BCAS1: variants seen among roughly 807,000 people sequenced by gnomAD.
BCAS1 encodes breast carcinoma-amplified sequence 1.
BCAS1 carries 46 observed loss-of-function variants against 65.4 expected under a neutral mutation model. The observed-to-expected ratio is 0.70, with a 90% CI of 0.55 to 0.90. The LOEUF is 0.90. Among genes scored for constraint, BCAS1 ranks in the 40% least tolerant of loss-of-function variants. BCAS1 has a pLI of 0.00. For missense variants in BCAS1, 793 were observed against 771.2 expected, an observed-to-expected ratio of 1.03 and a Z score of -0.33; for synonymous variants, 298 against 293.5, an observed-to-expected ratio of 1.02 and a Z score of -0.16.
rs1391284796 is a variant in BCAS1 at position 54,041,908 on chromosome 20, C to CAAAAAAAAAAAAAAAAAAAAAA, written c.143-12937_143-12936insTTTTTTTTTTTTTTTTTTTTTT. Among the ~76,000 whole-genome samples the CAAAAAAAAAAAAAAAAAAAAAA allele has an allele frequency of 2.6e-3, 173 of 67,306 alleles. 36 individuals are homozygous for CAAAAAAAAAAAAAAAAAAAAAA. Among genetic ancestry groups the CAAAAAAAAAAAAAAAAAAAAAA allele is most frequent in the African/African-American group, 4.7e-3 (87 of 18,620 alleles). The allele number at this position is 67,306 out of a possible 152,430, so 44.2% of individuals were successfully genotyped here. A position where few individuals can be genotyped will look rare whatever the true frequency, so the allele number is the denominator to read the frequency against. ...AGTTCAGAGTGAGACTCTGTCTCCC[C>CAAAAAAAAAAAAAAAAAAAAAA]CAAAAAAAAAAAAAAAAAAAAAAGA... On this transcript the variant is annotated intron_variant, in intron 3 of 12. Transcript: ENST00000688948.
At chr20:53,965,452 G>T (rs1006940779) in intron 10 of BCAS1, among the ~76,000 whole-genome samples, 1 of 152,130 alleles carries the variant, frequency 6.6e-6, no homozygotes, top group African/African-American at 2.4e-5. Flanking sequence ...CCTTTTACAT[G>T]CATTTTTGTT....
At chr20:54,016,095 A>C (rs78202227) in intron 4 of BCAS1, among the ~76,000 whole-genome samples, 1 of 152,294 alleles carries the variant, frequency 6.6e-6, no homozygotes, top group East Asian at 1.9e-4. Context: ...TCTGCATGCT[A>C]TTTTGAAATC....
chr20:53,998,036 C>T (rs556817137), intron 4 of BCAS1, among the ~76,000 whole-genome samples: 6 of 152,268 alleles, frequency 3.9e-5, no homozygotes, highest in South Asian at 2.1e-4. Flanking sequence ...TCCTCAAAAG[C>T]GATTTCTAAC....
intron 4 of BCAS1, among the ~76,000 whole-genome samples, chr20:54,010,292 C>A (rs2091291443): frequency 6.6e-6 from 1 of 151,944 alleles, no homozygotes; most frequent in Non-Finnish European, 1.5e-5. Flanking sequence ...ATAAAACTGT[C>A]CCCAGAGAAG....
At chr20:54,045,883 G>C (rs1161436496) in intron 3 of BCAS1, among the ~76,000 whole-genome samples, 5 of 152,120 alleles carry the variant, frequency 3.3e-5, no homozygotes, top group African/African-American at 9.6e-5. Flanking sequence ...AAATTTTATT[G>C]TGTCTCAGAT....
chr20:54,029,410 C>T (rs62215571), intron 3 of BCAS1, among the ~76,000 whole-genome samples: 14,621 of 152,212 alleles, frequency 0.096, 885 homozygotes, highest in Admixed American at 0.13. Flanking sequence ...TAGGGAGGCT[C>T]ATCCCGTGCC....
At chr20:54,024,032 A>C (rs945737622) in intron 4 of BCAS1, among the ~76,000 whole-genome samples, 1 of 152,242 alleles carries the variant, frequency 6.6e-6, no homozygotes, top group African/African-American at 2.4e-5. Context: ...TAAGTACTTT[A>C]TATGGCCTAT....
intron 3 of BCAS1, among the ~76,000 whole-genome samples, chr20:54,033,623 C>G (rs1191629245): frequency 6.6e-6 from 1 of 150,948 alleles, no homozygotes; most frequent in Non-Finnish European, 1.5e-5. Context: ...CCTGAACAGA[C>G]CAATAATGAG....
At position 54,058,146 on chromosome 20, in the gene BCAS1, C is replaced by G. The variant is rs375184061; in HGVS notation, c.81G>C (p.Ala27=). The change falls in exon 3 of 13, where the codon GCG becomes GCC. Residue 27 remains alanine (A), a synonymous_variant. Transcript: ENST00000688948. ...EPEAETYQDN[A]SALNGVPVVV... ...CCACTGGAACCCCGTTCAGAGCAGA[C>G]GCGTTGTCCTGAAACAGAGCACGTG... is the stretch of plus-strand genomic sequence containing the variant. 6.8e-6 allele frequency: 11 copies of G among 1,613,856 alleles called. No homozygotes were observed. The highest frequency in any genetic ancestry group is 6.7e-5 in the Admixed American group (4 of 59,984).
At chr20:53,968,385 G>T (rs1447076206) in intron 9 of BCAS1, among the ~76,000 whole-genome samples, 1 of 152,196 alleles carries the variant, frequency 6.6e-6, no homozygotes, top group Admixed American at 6.5e-5. Context: ...CTTGGTGTCA[G>T]GGGGTAGGGG....
chr20:53,948,655 A>G (rs147558914), intron 12 of BCAS1, among the ~76,000 whole-genome samples: 9 of 152,314 alleles, frequency 5.9e-5, no homozygotes, highest in Non-Finnish European at 1.2e-4. Flanking sequence ...CCTGCCTTAT[A>G]TACCAGGACT....
At chr20:53,999,267 CCTTACGT>C (rs2090997772) in intron 4 of BCAS1, among the ~76,000 whole-genome samples, 1 of 152,178 alleles carries the variant, frequency 6.6e-6, no homozygotes, top group Non-Finnish European at 1.5e-5. Flanking sequence ...ACCATGTCAT[CCTTACGT>C]CTTAAACAAT....
At chr20:54,067,452 G>A (rs752015669) in intron 1 of BCAS1, among the ~76,000 whole-genome samples, 2 of 152,208 alleles carry the variant, frequency 1.3e-5, no homozygotes, top group African/African-American at 2.4e-5. Flanking sequence ...AGGATTTAGC[G>A]CCAGGGCTTG....
chr20:53,944,251 G>C lies in BCAS1; in HGVS notation c.*671C>G, dbSNP rs190337881. ...TTCTTCAAGCTTAGAGGATAAGCAC[G>C]CATTTACTACAACGCTTAATTCCTT... On this transcript the variant is annotated 3_prime_UTR_variant, in exon 13 of 13. Coordinates refer to ENST00000688948, the MANE Select transcript of BCAS1 (RefSeq NM_001366298.2). The C allele has an allele frequency of 6.6e-6, 1 of 151,854 alleles. No individual in the cohort carries two copies. The allele number at this position is 151,854 out of a possible 1,614,324, so 9.4% of individuals were successfully genotyped here.
intron 3 of BCAS1, among the ~76,000 whole-genome samples, chr20:54,042,739 C>T (rs1470542563): frequency 6.6e-6 from 1 of 152,158 alleles, no homozygotes; most frequent in African/African-American, 2.4e-5. Flanking sequence ...GCACCTACCC[C>T]ATCCATTAAG....
chr20:54,035,224 C>T (rs2091876945), intron 3 of BCAS1, among the ~76,000 whole-genome samples: 1 of 150,462 alleles, frequency 6.6e-6, no homozygotes, highest in Non-Finnish European at 1.5e-5. Context: ...CACGGTGAAA[C>T]CCCGTCTCTA....
At position 53,953,595 on chromosome 20, in the gene BCAS1, G is replaced by T. The variant is rs771624097; in HGVS notation, c.1652C>A (p.Ala551Glu). The T allele has an allele frequency of 6.2e-7, 1 of 1,613,856 alleles. No individual in the cohort carries two copies. Among genetic ancestry groups the T allele is most frequent in the Non-Finnish European group, 8.5e-7 (1 of 1,179,982 alleles). ...GCTCTTCTGCTTGTTCATCTCGGCTGCTGACTTCTTGTCCTTCGAGGAGCC... is the reference window on the plus strand; with the variant it reads ...GCTCTTCTGCTTGTTCATCTCGGCTTCTGACTTCTTGTCCTTCGAGGAGCC... ...KEGSSKDKKS[A>E]AEMNKQKSNK... The change falls in exon 12 of 13, where the codon GCA becomes GAA. Residue 551 changes from alanine (A) to glutamate (E), a missense_variant. Physicochemically the swap from Ala to Glu is moderately radical, Grantham distance 107. Transcript: ENST00000688948.
At chr20:53,990,456 G>A (rs2090727380) in intron 7 of BCAS1, among the ~76,000 whole-genome samples, 1 of 152,152 alleles carries the variant, frequency 6.6e-6, no homozygotes, top group South Asian at 2.1e-4. Context: ...CTTTTTATAA[G>A]AAGGATCATA....
chr20:53,982,748 A>C (rs376767030), intron 8 of BCAS1, among the ~76,000 whole-genome samples: 20 of 152,326 alleles, frequency 1.3e-4, no homozygotes, highest in African/African-American at 4.6e-4. Flanking sequence ...GCTAGAATAT[A>C]AGCTTTCTTA....
Sources: allele counts gnomAD v4.1 joint callset (sites outside exome capture counted in the v4.1 genomes callset), GRCh38; gene constraint gnomAD v4.1.1; transcripts MANE v1.5; gene names NCBI Gene and HGNC (gene_info 2026-07-23, HGNC 2026-07-21).